Variants in ADGRD1 observed in about 807,000 individuals in gnomAD.
The protein encoded by ADGRD1 is adhesion G protein-coupled receptor D1.
ADGRD1 carries 77 observed loss-of-function variants against 113.4 expected under a neutral mutation model. The ratio of observed to expected loss-of-function variants is 0.68; its 90% confidence interval spans 0.57 to 0.82. The LOEUF (loss-of-function observed/expected upper bound fraction) is 0.82, where lower values mean the gene tolerates loss of function less well. ADGRD1 is among the 40% of genes least tolerant of loss of function. The probability of loss-of-function intolerance (pLI) is 0.00; values close to 1 mark genes in which losing one functional copy is unlikely to be tolerated. For synonymous variants in ADGRD1, 474 were observed against 475.0 expected, an observed-to-expected ratio of 1.00 and a Z score of 0.03; for missense variants, 1,036 against 1,139.1, an observed-to-expected ratio of 0.91 and a Z score of 1.30.
intron 8 of ADGRD1, among the ~76,000 whole-genome samples, chr12:130,996,824 G>A (rs1353424804): frequency 1.9e-4 from 21 of 112,826 alleles, no homozygotes; most frequent in Non-Finnish European, 3.3e-4. Context: ...GCGGCTGGCC[G>A]GGCGGGGGGC....
intron 16 of ADGRD1, among the ~76,000 whole-genome samples, chr12:131,105,435 T>G (rs796186621): frequency 1.3e-5 from 2 of 152,020 alleles, no homozygotes; most frequent in Non-Finnish European, 2.9e-5. Flanking sequence ...GTTTACTGCA[T>G]GGGAACAGCT....
rs1040646834 is a variant in ADGRD1 at position 130,971,359 on chromosome 12, C to T, written c.188-99C>T. 2 of 699,304 alleles carry T rather than the reference C, an allele frequency of 2.9e-6. No individual in the cohort carries two copies. 43.3% of individuals were successfully genotyped at this position (699,304 alleles called of 1,614,324 possible). On this transcript the variant is annotated intron_variant, in intron 3 of 24. Coordinates refer to ENST00000261654, the MANE Select transcript of ADGRD1 (RefSeq NM_198827.5). This position sits in a 1 kb window ranked among gnomAD's most constrained non-coding sequence, Gnocchi z 4.2. Reference sequence around the variant, plus strand: ...ATATATACTTAGATAAATAATAATGCATACTTACACATAAGTTATTTGTAG... The same window carrying T: ...ATATATACTTAGATAAATAATAATGTATACTTACACATAAGTTATTTGTAG...
At chr12:130,996,561 C>T (rs1293029330) in intron 8 of ADGRD1, among the ~76,000 whole-genome samples, 25 of 99,622 alleles carry the variant, frequency 2.5e-4, no homozygotes, top group Middle Eastern at 7.7e-3. Context: ...CCGGACGGGG[C>T]GGCTGGCCGG....
In ADGRD1 at chr12:130,966,900, G is replaced by A. The variant is rs965538196; in HGVS notation, c.187+354G>A. The A allele has an allele frequency of 2.5e-5, 11 of 435,816 alleles. No individual in the cohort carries two copies. The highest frequency in any genetic ancestry group is 1.3e-4 in the East Asian group (2 of 15,056). The allele number at this position is 435,816 out of a possible 1,614,324, so 27.0% of individuals were successfully genotyped here. A position where few individuals can be genotyped will look rare whatever the true frequency, so the allele number is the denominator to read the frequency against. On this transcript the variant is annotated intron_variant, in intron 3 of 24. Transcript: ENST00000261654. This position sits in a 1 kb window ranked among gnomAD's most constrained non-coding sequence, Gnocchi z 4.6. ...CTCCCAAAGTGCTGGAATTACAGGC[G>A]TGAGCCACTGTGCCAGGCCACGAAG...
chr12:130,983,715 G>C (rs890576956), intron 5 of ADGRD1, among the ~76,000 whole-genome samples: 1 of 152,192 alleles, frequency 6.6e-6, no homozygotes, highest in Non-Finnish European at 1.5e-5. Context: ...GCGTGCTCCA[G>C]AGACTCAAAA....
rs117007107 is a variant in ADGRD1, at chr12:131,068,827, G to A, written c.1474-7974G>A. 2.7e-4 allele frequency among the ~76,000 whole-genome samples: 41 copies of A among 152,350 alleles called. No homozygotes were observed. In the East Asian group the frequency reaches 7.7e-3, roughly 29 times the overall value. On this transcript the variant is annotated intron_variant, in intron 13 of 24. Coordinates refer to ENST00000261654, the MANE Select transcript of ADGRD1 (RefSeq NM_198827.5). ...GAAACAACCTTTAAATTCTAGCTGAGATTTCAAGTAGCCATGGCCCAGGAG... is the reference window on the plus strand; with the variant it reads ...GAAACAACCTTTAAATTCTAGCTGAAATTTCAAGTAGCCATGGCCCAGGAG...
chr12:131,006,994 T>C (rs1877208918), intron 12 of ADGRD1, among the ~76,000 whole-genome samples: 1 of 152,212 alleles, frequency 6.6e-6, no homozygotes, highest in Non-Finnish European at 1.5e-5. Context: ...GACCCTTCCT[T>C]GGCCCCTCCT....
intron 20 of ADGRD1, among the ~76,000 whole-genome samples, chr12:131,126,748 G>A (rs1017862502): frequency 3.9e-5 from 6 of 152,180 alleles, no homozygotes; most frequent in Non-Finnish European, 7.3e-5. Flanking sequence ...AGTGAGGCCT[G>A]TGAGTTGTTT....
At chr12:131,080,784 C>A (rs1886006222) in intron 14 of ADGRD1, among the ~76,000 whole-genome samples, 1 of 152,120 alleles carries the variant, frequency 6.6e-6, no homozygotes, top group Non-Finnish European at 1.5e-5. Flanking sequence ...CCACGCCCGG[C>A]TAATTTTTTG....
At chr12:131,111,930 C>G (rs1159378618) in intron 18 of ADGRD1, among the ~76,000 whole-genome samples, 1 of 152,052 alleles carries the variant, frequency 6.6e-6, no homozygotes, top group Non-Finnish European at 1.5e-5. Flanking sequence ...AATACGACAA[C>G]TGAGCCTTCT....
intron 13 of ADGRD1, chr12:131,070,918 A>G (rs1885113638): frequency 1.9e-6 from 1 of 518,824 alleles, no homozygotes; most frequent in Non-Finnish European, 3.8e-6. Context: ...GATGGTGGAG[A>G]AGAGTCCTGG....
rs190983386 is a variant in ADGRD1 at position 131,000,262 on chromosome 12, C to T, written c.967-121C>T. 4.3e-5 allele frequency: 32 copies of T among 737,584 alleles called. No individual in the cohort carries two copies. In the Middle Eastern group the frequency reaches 7.3e-4, roughly 17 times the overall value. 45.7% of individuals were successfully genotyped at this position (737,584 alleles called of 1,614,324 possible). A position where few individuals can be genotyped will look rare whatever the true frequency, so the allele number is the denominator to read the frequency against. ...TGACTCAGCTATTTTTGTTGACTGC[C>T]GTGCATAAAACTGAACTGGTGGTTG... On this transcript the variant is annotated intron_variant, in intron 8 of 24. Transcript: ENST00000261654.
chr12:131,078,645 T>C (rs1885832973), intron 14 of ADGRD1, among the ~76,000 whole-genome samples: 1 of 152,186 alleles, frequency 6.6e-6, no homozygotes, highest in South Asian at 2.1e-4. Flanking sequence ...GAGAATAATA[T>C]AACAAATGCA....
rs537259778 is a variant in ADGRD1 at position 131,136,606 on chromosome 12, C to T, written c.2395-367C>T. Among the ~76,000 whole-genome samples, 52 of 152,366 alleles carry T rather than the reference C, an allele frequency of 3.4e-4. 1 individual carries two copies. The East Asian group carries it at 9.1e-3, about 27-fold the overall frequency. Reference sequence around the variant, plus strand: ...AGGAAGGGCAGGCATGGGTCCCCATCGCCATCCATGGCCCTCCCAGCCCTC... The same window carrying T: ...AGGAAGGGCAGGCATGGGTCCCCATTGCCATCCATGGCCCTCCCAGCCCTC... On this transcript the variant is annotated intron_variant, in intron 22 of 24. Coordinates refer to ENST00000261654, the MANE Select transcript of ADGRD1 (RefSeq NM_198827.5).
intron 6 of ADGRD1, chr12:130,988,430 G>C (rs1873960872): frequency 6.6e-6 from 1 of 152,228 alleles, no homozygotes; most frequent in Non-Finnish European, 1.5e-5. Context: ...CGGATGTCAG[G>C]ACCAGGAGAG....
At chr12:130,987,572 T>C (rs1469795739) in intron 6 of ADGRD1, 4 of 587,312 alleles carry the variant, frequency 6.8e-6, no homozygotes, top group South Asian at 4.1e-5. Flanking sequence ...TATTGTTCTG[T>C]TGATCATCAC....
Position 131,091,561 on chromosome 12 carries a change from A to G in ADGRD1, c.1671+6898A>G, listed in dbSNP as rs551462775. ...GACAAGACGTAGACTAGAGTGATAC[A>G]TATCCCATTTTTGTAAAGCCACGCC... On this transcript the variant is annotated intron_variant, in intron 15 of 24. Transcript: ENST00000261654. Among the ~76,000 whole-genome samples the G allele has an allele frequency of 6.2e-4, 94 of 152,354 alleles. No homozygotes were observed. In the South Asian group the frequency reaches 0.019, roughly 30 times the overall value.
At chr12:131,038,027 C>T (rs1175243791) in intron 13 of ADGRD1, among the ~76,000 whole-genome samples, 3 of 152,018 alleles carry the variant, frequency 2.0e-5, no homozygotes, top group East Asian at 1.9e-4. Context: ...TGGAGCCTCA[C>T]TCACTACACC....
intron 5 of ADGRD1, among the ~76,000 whole-genome samples, chr12:130,983,020 G>A (rs977910654): frequency 6.6e-6 from 1 of 152,206 alleles, no homozygotes; most frequent in South Asian, 2.1e-4. Flanking sequence ...AAGGGAGGCT[G>A]CATGGCCCAG....
Sources: gnomAD v4.1 joint callset for allele counts (sites outside exome capture counted in the v4.1 genomes callset) on GRCh38, gnomAD v4.1.1 for gene constraint, Gnocchi (gnomAD v3.1) non-coding constraint, MANE v1.5 for transcripts, NCBI Gene and HGNC (gene_info 2026-07-23, HGNC 2026-07-21) for gene names.